Variants in SRGAP3 observed in about 807,000 individuals in gnomAD.
The protein encoded by SRGAP3 is SLIT-ROBO Rho GTPase-activating protein 3.
Under a neutral mutation model 121.1 loss-of-function variants are expected in SRGAP3, and 39 were observed. The observed-to-expected ratio is 0.32, with a 90% CI of 0.25 to 0.42. SRGAP3 has a LOEUF of 0.42. Ranked by LOEUF, SRGAP3 falls within the 10% of genes least tolerant of loss-of-function variation. The pLI is 1.00. For missense variants in SRGAP3, 1,213 were observed against 1,470.6 expected, an observed-to-expected ratio of 0.82 and a Z score of 2.86; for synonymous variants, 601 against 570.0, an observed-to-expected ratio of 1.05 and a Z score of -0.77.
chr3:9,284,362 T>C (rs1189075276), intron 3 of SRGAP3, among the ~76,000 whole-genome samples: 1 of 152,186 alleles, frequency 6.6e-6, no homozygotes, highest in Non-Finnish European at 1.5e-5. Flanking sequence ...TGAAACTAGG[T>C]TTTTGTTTTG....
intron 1 of SRGAP3, among the ~76,000 whole-genome samples, chr3:9,166,504 A>G (rs1422316926): frequency 6.6e-6 from 1 of 152,146 alleles, no homozygotes; most frequent in Non-Finnish European, 1.5e-5. Flanking sequence ...GTGGAATGTG[A>G]GTGGATGTGA....
At chr3:9,126,435 T>G (rs1051451427) in intron 1 of SRGAP3, among the ~76,000 whole-genome samples, 1 of 151,982 alleles carries the variant, frequency 6.6e-6, no homozygotes, top group Non-Finnish European at 1.5e-5. Flanking sequence ...GTGGAGACCA[T>G]CCTGGCTGAC....
At position 9,338,195 on chromosome 3, in the gene SRGAP3, G is replaced by C. The variant is rs116403086; in HGVS notation, n.215-7599C>G. Among the ~76,000 whole-genome samples, 271 of 152,286 alleles carry C rather than the reference G, an allele frequency of 1.8e-3. 1 individual carries two copies. The highest frequency in any genetic ancestry group is 3.0e-3 in the Non-Finnish European group (203 of 68,020). ...TGAAGTGATAGAGGCTTGCACTTGGGGGGGAATGGGGCAGAAAAGGAAGAT... is the reference window on the plus strand; with the variant it reads ...TGAAGTGATAGAGGCTTGCACTTGGCGGGGAATGGGGCAGAAAAGGAAGAT... On this transcript the variant is annotated intron_variant and non_coding_transcript_variant, in intron 1 of 3. Transcript: ENST00000490889.
Position 9,060,299 on chromosome 3 carries a change from G to C in SRGAP3, c.733C>G (p.Leu245Val). The change falls in exon 6 of 22, where the codon CTC becomes GTC. Residue 245 changes from leucine (L) to valine (V), a missense_variant. By Grantham distance (32) the Leu-to-Val change is conservative. Around this residue, in one of 2 missense-constraint regions of SRGAP3, gnomAD observed 793 missense variants for 1,032.9 expected, o/e 0.77. Coordinates refer to ENST00000383836, the MANE Select transcript of SRGAP3 (RefSeq NM_014850.4). ...KCTKARNDYLLNLAATNAAIS... is the reference protein window; with the variant it reads ...KCTKARNDYLVNLAATNAAIS... ...GCTGCGTTGGTGGCTGCCAGATTGA[G>C]CAAGTAGTCATTCCGGGCCTTTGTG... 1 of 1,614,206 alleles carries C rather than the reference G, an allele frequency of 6.2e-7. No homozygotes were observed. The highest frequency in any genetic ancestry group is 2.2e-5 in the East Asian group (1 of 44,884).
chr3:9,165,741 G>A, intron 1 of SRGAP3, among the ~76,000 whole-genome samples: 1 of 152,114 alleles, frequency 6.6e-6, no homozygotes, highest in Non-Finnish European at 1.5e-5. Context: ...CATCCCCAGA[G>A]CCTTTGCATG....
At chr3:9,304,601 C>T (rs1955125933) in intron 3 of SRGAP3, among the ~76,000 whole-genome samples, 1 of 152,174 alleles carries the variant, frequency 6.6e-6, no homozygotes, top group Non-Finnish European at 1.5e-5. Context: ...TGGCTCTCTC[C>T]TCCAAGCTAC....
chr3:9,094,884 T>A (rs392300), intron 3 of SRGAP3, among the ~76,000 whole-genome samples: 45,427 of 151,526 alleles, frequency 0.3, 7,434 homozygotes, highest in South Asian at 0.38. Flanking sequence ...GCCTCCTGAG[T>A]AGCTGAGACC....
intron 1 of SRGAP3, among the ~76,000 whole-genome samples, chr3:9,155,145 A>T (rs1950372312): frequency 6.6e-6 from 1 of 152,118 alleles, no homozygotes; most frequent in Non-Finnish European, 1.5e-5. Flanking sequence ...CCTTTATAGC[A>T]TCCTCACTCC....
At chr3:9,195,994 A>G (rs1213651055) in intron 1 of SRGAP3, among the ~76,000 whole-genome samples, 3 of 152,156 alleles carry the variant, frequency 2.0e-5, no homozygotes, top group Admixed American at 2.0e-4. Context: ...CCAATCGAAA[A>G]TACTTGTACA....
At chr3:9,202,706 C>T (rs1952110096) in intron 1 of SRGAP3, among the ~76,000 whole-genome samples, 1 of 152,188 alleles carries the variant, frequency 6.6e-6, no homozygotes. Flanking sequence ...TGATGCTGGG[C>T]CTGAATCTCC....
intron 14 of SRGAP3, among the ~76,000 whole-genome samples, chr3:9,023,272 A>C (rs1944015694): frequency 1.3e-5 from 2 of 152,218 alleles, no homozygotes; most frequent in Admixed American, 1.3e-4. Flanking sequence ...AATGAAGACA[A>C]GGCAGCAGGG....
intron 3 of SRGAP3, among the ~76,000 whole-genome samples, chr3:9,319,200 T>C (rs1282975117): frequency 6.6e-6 from 1 of 151,838 alleles, no homozygotes; most frequent in African/African-American, 2.4e-5. Context: ...CTCAGAGAGA[T>C]TAAAAAGCCT....
At chr3:9,132,153 CAG>C (rs1013741657) in intron 1 of SRGAP3, among the ~76,000 whole-genome samples, 5 of 152,112 alleles carry the variant, frequency 3.3e-5, no homozygotes, top group African/African-American at 9.7e-5. Flanking sequence ...CCAGAAAGTA[CAG>C]AGAGTTCCCA....
intron 1 of SRGAP3, among the ~76,000 whole-genome samples, chr3:9,161,722 A>G (rs369159015): frequency 9.2e-5 from 14 of 152,230 alleles, no homozygotes; most frequent in African/African-American, 3.1e-4. Flanking sequence ...TGTCGAATCC[A>G]AAGGTTGCAG....
chr3:9,345,785 C>CAAAA (rs34225108), intron 1 of SRGAP3, among the ~76,000 whole-genome samples: 70 of 65,178 alleles, frequency 1.1e-3, no homozygotes, highest in African/African-American at 3.0e-3. Flanking sequence ...GACTCCAACT[C>CAAAA]AAAAAAAAAA....
intron 1 of SRGAP3, among the ~76,000 whole-genome samples, chr3:9,159,410 C>T (rs2125072852): frequency 6.6e-6 from 1 of 152,332 alleles, no homozygotes; most frequent in Middle Eastern, 3.4e-3. Flanking sequence ...ATCTCTGCCA[C>T]CTGGGCCACT....
intron 7 of SRGAP3, 40 bp from the exon 8 acceptor site, chr3:9,056,374 C>T: frequency 1.3e-6 from 2 of 1,599,532 alleles, no homozygotes; most frequent in Non-Finnish European, 1.7e-6. Flanking sequence ...TGCCCTGTGC[C>T]CTCCTCACCT....
At chr3:9,344,829 A>G (rs1275639058) in intron 1 of SRGAP3, among the ~76,000 whole-genome samples, 2 of 151,880 alleles carry the variant, frequency 1.3e-5, no homozygotes, top group Non-Finnish European at 2.9e-5. Context: ...GAGGTCAGGA[A>G]ATCAAGACCA....
At chr3:9,002,715 A>G (rs1258493243) in intron 18 of SRGAP3, among the ~76,000 whole-genome samples, 1 of 152,056 alleles carries the variant, frequency 6.6e-6, no homozygotes, top group East Asian at 1.9e-4. Context: ...AGAAAACATG[A>G]GAGAGGATTC....
Sources: allele counts gnomAD v4.1 joint callset (sites outside exome capture counted in the v4.1 genomes callset), GRCh38; gene constraint gnomAD v4.1.1; regional missense constraint gnomAD v4.1.1; transcripts MANE v1.5; gene names NCBI Gene and HGNC (gene_info 2026-07-23, HGNC 2026-07-21).